The following PACRG variants were observed in gnomAD, a reference collection of about 807,000 sequenced individuals.
PACRG encodes parkin coregulated gene protein.
Under a neutral mutation model 29.7 loss-of-function variants are expected in PACRG, and 29 were observed. The observed-to-expected ratio is 0.98, with a 90% CI of 0.73 to 1.33. PACRG has a LOEUF of 1.33. PACRG is among the 40% of genes most tolerant of loss of function. The pLI is 0.00. For missense variants in PACRG, 279 were observed against 316.2 expected (o/e 0.88, Z 0.89); for synonymous variants, 116 against 118.7 (o/e 0.98, Z 0.15).
At chr6:163,048,314 C>T (rs1269806201) in intron 2 of PACRG, among the ~76,000 whole-genome samples, 1 of 152,154 alleles carries the variant, frequency 6.6e-6, no homozygotes, top group African/African-American at 2.4e-5. Flanking sequence ...CTATAGGTTT[C>T]TGCTAAGCGT....
intron 4 of PACRG, among the ~76,000 whole-genome samples, chr6:163,263,169 A>AGGCCCCT (rs1783399262): frequency 7.3e-6 from 1 of 137,046 alleles, no homozygotes; most frequent in Admixed American, 7.6e-5. Flanking sequence ...TACAGACCCC[A>AGGCCCCT]GGAGGCCTTT....
chr6:162,959,681 G>C (rs1006783667), intron 2 of PACRG, among the ~76,000 whole-genome samples: 1 of 152,118 alleles, frequency 6.6e-6, no homozygotes, highest in Non-Finnish European at 1.5e-5. Context: ...TTGGAGAGGA[G>C]CAAGTGTAGG....
chr6:162,746,326 T>A (rs990777275), intron 1 of PACRG, among the ~76,000 whole-genome samples: 1 of 152,206 alleles, frequency 6.6e-6, no homozygotes, highest in Non-Finnish European at 1.5e-5. Flanking sequence ...GACACAGTGT[T>A]AAATATTTTC....
intron 2 of PACRG, among the ~76,000 whole-genome samples, chr6:162,887,309 C>T: frequency 6.6e-6 from 1 of 152,118 alleles, no homozygotes; most frequent in Non-Finnish European, 1.5e-5. Flanking sequence ...TTAGCAATGA[C>T]CAGGCTGAAG....
intron 1 of PACRG, among the ~76,000 whole-genome samples, chr6:162,749,272 G>T (rs1281016907): frequency 1.3e-5 from 2 of 152,088 alleles, no homozygotes; most frequent in African/African-American, 4.8e-5. Context: ...ATCTCATTTG[G>T]CTAAATATCT....
At chr6:162,763,073 T>A (rs1238980562) in intron 1 of PACRG, among the ~76,000 whole-genome samples, 2 of 152,218 alleles carry the variant, frequency 1.3e-5, no homozygotes, top group Non-Finnish European at 2.9e-5. Context: ...AGGACTTGCC[T>A]CACACAAATC....
At chr6:162,984,494 A>G (rs1307405506) in intron 2 of PACRG, among the ~76,000 whole-genome samples, 1 of 152,048 alleles carries the variant, frequency 6.6e-6, no homozygotes, top group Non-Finnish European at 1.5e-5. Context: ...ATGTGCAAGT[A>G]TCTTTTTTGT....
intron 4 of PACRG, among the ~76,000 whole-genome samples, chr6:163,201,549 C>T (rs1585327664): frequency 6.6e-6 from 1 of 152,314 alleles, no homozygotes; most frequent in Admixed American, 6.5e-5. Context: ...GACCACCCAG[C>T]TCCCTAACCC....
At chr6:162,953,125 A>G (rs150584706) in intron 2 of PACRG, among the ~76,000 whole-genome samples, 2,186 of 152,310 alleles carry the variant, frequency 0.014, 28 homozygotes, top group Non-Finnish European at 0.023. Context: ...TTTAATTTAA[A>G]GAACCACAAG....
intron 2 of PACRG, among the ~76,000 whole-genome samples, chr6:162,925,880 A>G (rs1329804227): frequency 1.3e-5 from 2 of 152,156 alleles, no homozygotes; most frequent in African/African-American, 4.8e-5. Context: ...TTAGCAGACG[A>G]CATGATCCTC....
At chr6:162,822,833 G>A (rs1363245380) in intron 2 of PACRG, among the ~76,000 whole-genome samples, 2 of 151,824 alleles carry the variant, frequency 1.3e-5, no homozygotes, top group Non-Finnish European at 2.9e-5. Context: ...TAACATCTTT[G>A]TATTCTATTA....
At chr6:162,830,091 A>AT (rs928735001) in intron 2 of PACRG, among the ~76,000 whole-genome samples, 3 of 151,982 alleles carry the variant, frequency 2.0e-5, no homozygotes, top group Non-Finnish European at 4.4e-5. Context: ...TTGTTTGGGT[A>AT]TTTTTTTCTC....
chr6:163,303,985 C>T (rs563223096), intron 4 of PACRG, among the ~76,000 whole-genome samples: 65 of 134,876 alleles, frequency 4.8e-4, no homozygotes, highest in Non-Finnish European at 2.0e-4. Context: ...CATCACACTC[C>T]AGCCTGGGTG....
chr6:162,963,941 C>T (rs752540177), intron 2 of PACRG, among the ~76,000 whole-genome samples: 16 of 152,282 alleles, frequency 1.1e-4, no homozygotes, highest in Non-Finnish European at 1.9e-4. Context: ...TTCCCTTGGG[C>T]AGAAGACTCT....
intron 2 of PACRG, among the ~76,000 whole-genome samples, chr6:162,976,284 T>C (rs1584918481): frequency 1.3e-5 from 2 of 152,240 alleles, no homozygotes; most frequent in Admixed American, 1.3e-4. Flanking sequence ...CAAAATAACT[T>C]TGGAAACCAT....
intron 4 of PACRG, chr6:163,112,044 A>G (rs981646930): frequency 1.0e-6 from 1 of 960,126 alleles, no homozygotes; most frequent in Non-Finnish European, 1.2e-6. Context: ...GTACCAAATT[A>G]TTAAATTCAT....
At chr6:162,983,759 T>C (rs1802634114) in intron 2 of PACRG, among the ~76,000 whole-genome samples, 1 of 152,054 alleles carries the variant, frequency 6.6e-6, no homozygotes, top group South Asian at 2.1e-4. Context: ...TGTCTTGACT[T>C]TAGGTAACCT....
At chr6:162,929,031 C>A (rs962806371) in intron 2 of PACRG, among the ~76,000 whole-genome samples, 1 of 151,928 alleles carries the variant, frequency 6.6e-6, no homozygotes, top group South Asian at 2.1e-4. Flanking sequence ...TGGTCACTTA[C>A]GTTGATTCCA....
intron 4 of PACRG, among the ~76,000 whole-genome samples, chr6:163,201,585 T>TA (rs1475978391): frequency 1.3e-5 from 2 of 152,140 alleles, no homozygotes; most frequent in Non-Finnish European, 2.9e-5. Flanking sequence ...CTGCCCCAGT[T>TA]AAAATCAATA....
Sources: gnomAD v4.1 joint callset for allele counts (sites outside exome capture counted in the v4.1 genomes callset) on GRCh38, gnomAD v4.1.1 for gene constraint, MANE v1.5 for transcripts, NCBI Gene and HGNC (gene_info 2026-07-23, HGNC 2026-07-21) for gene names.